The following GPD2 variants were observed in gnomAD, a reference collection of about 807,000 sequenced individuals.
GPD2 encodes glycerol-3-phosphate dehydrogenase 2, also known as glycerol-3-phosphate dehydrogenase, mitochondrial.
Under a neutral mutation model 82.4 loss-of-function variants are expected in GPD2, and 54 were observed. That is an observed-to-expected ratio of 0.66 (90% confidence interval 0.53 to 0.82). GPD2 has a LOEUF of 0.82. Among genes scored for constraint, GPD2 ranks in the 40% least tolerant of loss-of-function variants. The pLI is 0.00. For synonymous variants in GPD2, 288 were observed against 306.1 expected (o/e 0.94, Z 0.62); for missense variants, 748 against 896.2 (o/e 0.83, Z 2.11).
intron 2 of GPD2, among the ~76,000 whole-genome samples, chr2:156,488,611 C>T (rs550790218): frequency 6.6e-6 from 1 of 151,810 alleles, no homozygotes; most frequent in East Asian, 1.9e-4. Flanking sequence ...TTGTAAATGT[C>T]TAGGATTTTT....
intron 13 of GPD2, among the ~76,000 whole-genome samples, chr2:156,573,887 G>A (rs1335059462): frequency 1.3e-5 from 2 of 152,048 alleles, no homozygotes; most frequent in Non-Finnish European, 2.9e-5. Context: ...AGTGAAAGAG[G>A]AACAAGGTGA....
At chr2:156,406,044 CT>C in the GPD2 span, among the ~76,000 whole-genome samples, 1,432 of 140,366 alleles carry the variant, frequency 0.01, 77 homozygotes, top group East Asian at 0.16. Context: ...AAAGCAATGC[CT>C]TTTTTTTTTT....
chr2:156,412,267 C>A, the GPD2 span, among the ~76,000 whole-genome samples: 1 of 151,986 alleles, frequency 6.6e-6, no homozygotes, highest in Non-Finnish European at 1.5e-5. Context: ...GAAACCCTAT[C>A]TCTACTAAGA....
chr2:156,461,564 G>C (rs539793700), intron 1 of GPD2, among the ~76,000 whole-genome samples: 1 of 152,028 alleles, frequency 6.6e-6, no homozygotes, highest in African/African-American at 2.4e-5. Context: ...ATTTTTTGTA[G>C]GCACAGGGTC....
At chr2:156,408,635 G>A in the GPD2 span, among the ~76,000 whole-genome samples, 2 of 151,640 alleles carry the variant, frequency 1.3e-5, no homozygotes, top group African/African-American at 2.4e-5. Flanking sequence ...AGCTACAGGG[G>A]AGGCTGAGGT....
At chr2:156,400,978 C>T in the GPD2 span, among the ~76,000 whole-genome samples, 1 of 152,186 alleles carries the variant, frequency 6.6e-6, no homozygotes, top group Non-Finnish European at 1.5e-5. Context: ...AAAAAATCAG[C>T]GAAGCTCAGG....
chr2:156,565,571 C>G (rs766453013), intron 9 of GPD2, among the ~76,000 whole-genome samples: 13 of 152,156 alleles, frequency 8.5e-5, no homozygotes, highest in African/African-American at 2.9e-4. Flanking sequence ...AGGCTTTCCT[C>G]GCCAGTTAAT....
chr2:156,452,982 G>C (rs1426781852), intron 1 of GPD2, among the ~76,000 whole-genome samples: 2 of 152,144 alleles, frequency 1.3e-5, no homozygotes, highest in African/African-American at 4.8e-5. Context: ...ATGATATTGG[G>C]GTGTGGAGGG....
At chr2:156,488,345 T>C (rs1336906181) in intron 2 of GPD2, among the ~76,000 whole-genome samples, 1 of 152,198 alleles carries the variant, frequency 6.6e-6, no homozygotes, top group Non-Finnish European at 1.5e-5. Flanking sequence ...ATAAATATGG[T>C]TAGTCTTTTT....
At chr2:156,432,712 C>T (rs1688331428), upstream of GPD2, among the ~76,000 whole-genome samples, 2 of 152,182 alleles carry the variant, frequency 1.3e-5, no homozygotes, top group African/African-American at 4.8e-5. Context: ...AAATTATCTA[C>T]TATACAACAG....
intron 9 of GPD2, among the ~76,000 whole-genome samples, chr2:156,561,306 A>G (rs1338636367): frequency 6.6e-6 from 1 of 152,044 alleles, no homozygotes; most frequent in Non-Finnish European, 1.5e-5. Flanking sequence ...TTGGCCTCCC[A>G]AAGTGCTGGG....
At chr2:156,524,281 C>G (rs888660975) in intron 6 of GPD2, among the ~76,000 whole-genome samples, 5 of 151,876 alleles carry the variant, frequency 3.3e-5, no homozygotes, top group African/African-American at 1.2e-4. Flanking sequence ...TCTCATTAAT[C>G]TGTTGCTGCA....
At chr2:156,460,297 G>C (rs1375187775) in intron 1 of GPD2, among the ~76,000 whole-genome samples, 1 of 152,130 alleles carries the variant, frequency 6.6e-6, no homozygotes, top group Non-Finnish European at 1.5e-5. Context: ...AGTGTTCCTT[G>C]AGCTGGAATT....
At chr2:156,401,230 T>A in the GPD2 span, among the ~76,000 whole-genome samples, 3 of 152,332 alleles carry the variant, frequency 2.0e-5, no homozygotes, top group Non-Finnish European at 4.4e-5. Context: ...ATAGCAAATG[T>A]GCTTTTCTAT....
At position 156,583,424 on chromosome 2, in the gene GPD2, G is replaced by A. The variant is rs1461745957; in HGVS notation, c.*506G>A. ...CTATTGAAATGATAGTGTTTCTGGA[G>A]ATTTCTCAGCCCCATCTTCCTCCAG... On this transcript the variant is annotated 3_prime_UTR_variant, in exon 17 of 17. Coordinates refer to ENST00000438166, the MANE Select transcript of GPD2 (RefSeq NM_000408.5). 1 of 169,644 alleles carries A rather than the reference G, an allele frequency of 5.9e-6. No individual in the cohort carries two copies. 10.5% of individuals were successfully genotyped at this position (169,644 alleles called of 1,614,324 possible).
chr2:156,494,811 C>A (rs1292710174), intron 2 of GPD2, among the ~76,000 whole-genome samples: 2 of 152,120 alleles, frequency 1.3e-5, no homozygotes, highest in African/African-American at 4.8e-5. Context: ...GCAATGCTGG[C>A]CAGTACTGTT....
At chr2:156,520,180 T>G (rs1685347943) in intron 6 of GPD2, among the ~76,000 whole-genome samples, 1 of 151,956 alleles carries the variant, frequency 6.6e-6, no homozygotes, top group South Asian at 2.1e-4. Context: ...GAATTTGGGG[T>G]TTTTATAGGT....
At chr2:156,434,718 T>G (rs147792824), upstream of GPD2, among the ~76,000 whole-genome samples, 40 of 152,330 alleles carry the variant, frequency 2.6e-4, 1 homozygote, top group East Asian at 7.0e-3. Flanking sequence ...TTTTTCTGGT[T>G]GCTCATGATT....
chr2:156,474,625 C>T (rs952773058), intron 1 of GPD2, among the ~76,000 whole-genome samples: 2 of 152,064 alleles, frequency 1.3e-5, no homozygotes, highest in African/African-American at 2.4e-5. Flanking sequence ...TATCTTTTTA[C>T]GTTTAACAGT....
Sources: allele counts gnomAD v4.1 joint callset (sites outside exome capture counted in the v4.1 genomes callset), GRCh38; gene constraint gnomAD v4.1.1; transcripts MANE v1.5; gene names NCBI Gene and HGNC (gene_info 2026-07-23, HGNC 2026-07-21).